SLC14A2: variants seen among roughly 807,000 people sequenced by gnomAD.
SLC14A2 encodes urea transporter 2.
A neutral mutation model predicts 104.6 loss-of-function variants in SLC14A2; 91 were observed. The ratio of observed to expected loss-of-function variants is 0.87; its 90% CI spans 0.73 to 1.04. The LOEUF is 1.04. Among genes scored for constraint, SLC14A2 ranks in the 50% least tolerant of loss-of-function variants. The pLI, the probability that SLC14A2 is intolerant of heterozygous loss-of-function variation, is 0.00. For missense variants in SLC14A2, 1,189 were observed against 1,156.0 expected (o/e 1.03, Z -0.41); for synonymous variants, 476 against 466.4 (o/e 1.02, Z -0.27).
At chr18:45,392,710 A>G (rs1399869777) in intron 1 of SLC14A2, among the ~76,000 whole-genome samples, 1 of 152,204 alleles carries the variant, frequency 6.6e-6, no homozygotes, top group African/African-American at 2.4e-5. Flanking sequence ...AATAAAATAC[A>G]TATACAACTA....
chr18:45,207,317 G>T, the SLC14A2 span, among the ~76,000 whole-genome samples: 1 of 148,058 alleles, frequency 6.8e-6, no homozygotes, highest in Non-Finnish European at 1.5e-5. Context: ...AGGAAGGAAG[G>T]GAAAAAGGGG....
At chr18:45,556,282 C>T (rs2044132236) in intron 2 of SLC14A2, among the ~76,000 whole-genome samples, 1 of 152,158 alleles carries the variant, frequency 6.6e-6, no homozygotes. Flanking sequence ...AACATGCAGA[C>T]CACAGAAACC....
intron 1 of SLC14A2, among the ~76,000 whole-genome samples, chr18:45,267,125 A>G (rs939358457): frequency 6.6e-6 from 1 of 152,106 alleles, no homozygotes; most frequent in African/African-American, 2.4e-5. Flanking sequence ...AAAAATTCCA[A>G]TTATTCAATT....
At chr18:45,394,991 A>G (rs2086012903) in intron 1 of SLC14A2, among the ~76,000 whole-genome samples, 1 of 152,158 alleles carries the variant, frequency 6.6e-6, no homozygotes, top group Non-Finnish European at 1.5e-5. Context: ...AAGAATTGAA[A>G]TCAGGTGGGT....
intron 2 of SLC14A2, among the ~76,000 whole-genome samples, chr18:45,519,597 G>A (rs913471973): frequency 2.6e-5 from 4 of 152,200 alleles, no homozygotes; most frequent in African/African-American, 9.7e-5. Context: ...AAGATTCCCT[G>A]CCAGAGAACT....
At chr18:45,455,594 G>A (rs746562856) in intron 1 of SLC14A2, among the ~76,000 whole-genome samples, 16 of 151,758 alleles carry the variant, frequency 1.1e-4, no homozygotes, top group Non-Finnish European at 2.2e-4. Flanking sequence ...GTATACCTAC[G>A]TAACAAAACT....
chr18:45,316,965 A>G (rs1325268929), intron 1 of SLC14A2, among the ~76,000 whole-genome samples: 2 of 152,204 alleles, frequency 1.3e-5, no homozygotes, highest in Non-Finnish European at 2.9e-5. Flanking sequence ...ATTTATGTTC[A>G]CAGCAAACCT....
At position 45,666,213 on chromosome 18, in the gene SLC14A2, G is replaced by A; in HGVS notation, c.1551G>A (p.Glu517=). ...FPYRYRKPTV[E]LLDLDTMEES... Reference sequence around the variant, plus strand: ...ATCGATACCGGAAGCCCACAGTCGAGCTGCTTGTGAGTACTGAGTGTCCTG... The same window carrying A: ...ATCGATACCGGAAGCCCACAGTCGAACTGCTTGTGAGTACTGAGTGTCCTG... The change falls in exon 12 of 20, where the codon GAG becomes GAA. Residue 517 remains glutamate (E), a synonymous_variant. Coordinates refer to ENST00000255226, the MANE Select transcript of SLC14A2 (RefSeq NM_007163.4). 2 of 1,610,564 alleles carry A rather than the reference G, an allele frequency of 1.2e-6. No homozygotes were observed. Among genetic ancestry groups the A allele is most frequent in the South Asian group, 2.2e-5 (2 of 90,982 alleles).
chr18:45,619,360 G>A (rs946389150), intron 1 of SLC14A2, among the ~76,000 whole-genome samples: 1 of 152,258 alleles, frequency 6.6e-6, no homozygotes, highest in Non-Finnish European at 1.5e-5. Context: ...CTGGGCACTC[G>A]AATGTGAGCC....
chr18:45,671,045 T>C (rs1237290560), intron 16 of SLC14A2, among the ~76,000 whole-genome samples: 1 of 152,224 alleles, frequency 6.6e-6, no homozygotes, highest in Non-Finnish European at 1.5e-5. Context: ...AAAGGTGCTG[T>C]GCTGGCAGTT....
chr18:45,408,787 A>C (rs1308246078), intron 1 of SLC14A2, among the ~76,000 whole-genome samples: 13 of 152,140 alleles, frequency 8.5e-5, no homozygotes, highest in Admixed American at 8.5e-4. Flanking sequence ...AGTAGAAATA[A>C]TGTAAGGCTG....
At chr18:45,418,753 C>A (rs370412199) in intron 1 of SLC14A2, among the ~76,000 whole-genome samples, 10 of 152,088 alleles carry the variant, frequency 6.6e-5, no homozygotes, top group African/African-American at 1.9e-4. Flanking sequence ...GAAGGACGAA[C>A]GAAGACATTT....
chr18:45,486,236 G>A (rs555503539), intron 2 of SLC14A2, among the ~76,000 whole-genome samples: 1 of 152,248 alleles, frequency 6.6e-6, no homozygotes, highest in South Asian at 2.1e-4. Context: ...CCAGACAAGG[G>A]TCTCCTTTTA....
chr18:45,677,907 C>G (rs549253548), intron 18 of SLC14A2, among the ~76,000 whole-genome samples: 17 of 152,332 alleles, frequency 1.1e-4, no homozygotes, highest in African/African-American at 3.8e-4. Context: ...CAGCCTCAAA[C>G]TTCCGGGCTC....
the SLC14A2 span, among the ~76,000 whole-genome samples, chr18:45,202,851 T>C: frequency 6.6e-6 from 1 of 152,190 alleles, no homozygotes; most frequent in Non-Finnish European, 1.5e-5. Context: ...CAAGTCCTCC[T>C]TATCTTCCAT....
intron 2 of SLC14A2, among the ~76,000 whole-genome samples, chr18:45,491,158 T>C (rs111939794): frequency 1.3e-5 from 2 of 152,252 alleles, no homozygotes; most frequent in African/African-American, 2.4e-5. Flanking sequence ...GGTAAGAGGA[T>C]GTTTATTATT....
chr18:45,616,119 G>GCAC (rs2045067209), intron 1 of SLC14A2, among the ~76,000 whole-genome samples: 2 of 152,154 alleles, frequency 1.3e-5, no homozygotes, highest in Non-Finnish European at 2.9e-5. Flanking sequence ...CACAAGTGGA[G>GCAC]CACCCCTGGG....
chr18:45,501,787 A>G (rs1270871981), intron 2 of SLC14A2, among the ~76,000 whole-genome samples: 1 of 152,204 alleles, frequency 6.6e-6, no homozygotes, highest in Non-Finnish European at 1.5e-5. Context: ...GGGCAGAGCT[A>G]CATCTTCCCA....
intron 1 of SLC14A2, among the ~76,000 whole-genome samples, chr18:45,276,529 G>C (rs1476582498): frequency 6.6e-6 from 1 of 152,178 alleles, no homozygotes; most frequent in Non-Finnish European, 1.5e-5. Context: ...GGAGAGTGTG[G>C]TGTGTTCAGG....
Sources: allele counts gnomAD v4.1 joint callset (sites outside exome capture counted in the v4.1 genomes callset), GRCh38; gene constraint gnomAD v4.1.1; transcripts MANE v1.5; gene names NCBI Gene and HGNC (gene_info 2026-07-23, HGNC 2026-07-21).